The following EXT2 variants were observed in gnomAD, a reference collection of about 807,000 sequenced individuals.
The protein encoded by EXT2 is exostosin-2.
Under a neutral mutation model 81.6 loss-of-function variants are expected in EXT2, and 53 were observed. The ratio of observed to expected loss-of-function variants is 0.65; its 90% CI spans 0.52 to 0.82. The LOEUF (loss-of-function observed/expected upper bound fraction) is 0.82. Among genes scored for constraint, EXT2 ranks in the 40% least tolerant of loss-of-function variants. The pLI, the probability that EXT2 is intolerant of heterozygous loss-of-function variation, is 0.00. For missense variants in EXT2, 774 were observed against 910.2 expected, an observed-to-expected ratio of 0.85 and a Z score of 1.93; for synonymous variants, 320 against 340.0, an observed-to-expected ratio of 0.94 and a Z score of 0.65.
chr11:44,126,921 A>G lies in EXT2; in HGVS notation c.1045A>G (p.Ile349Val), dbSNP rs1482081427. The G allele has an allele frequency of 1.9e-6, 3 of 1,614,002 alleles. No individual in the cohort carries two copies. Among genetic ancestry groups the G allele is most frequent in the Admixed American group, 1.7e-5 (1 of 60,014 alleles). Residue 349 changes from isoleucine to valine, a missense_variant, in exon 6 of 14, where the codon ATT becomes GTT. By Grantham distance (29) the Ile-to-Val change is conservative (BLOSUM62 3). Around this residue, in one of 2 missense-constraint regions of EXT2, gnomAD observed 626 missense variants for 670.5 expected, o/e 0.93. Coordinates refer to ENST00000533608, the MANE Select transcript of EXT2 (RefSeq NM_207122.2). Reference protein sequence around the residue: ...CVPVVIADSYILPFSEVLDWK... With the variant: ...CVPVVIADSYVLPFSEVLDWK... ...CCCGGTTGTCATTGCAGACTCCTAT[A>G]TTTTGCCTTTCTCTGAAGTTCTTGA...
chr11:44,240,814 C>CTT (rs1956028240), intron 13 of EXT2, among the ~76,000 whole-genome samples: 1 of 152,146 alleles, frequency 6.6e-6, no homozygotes, highest in Non-Finnish European at 1.5e-5. Context: ...GTTAAGCCAT[C>CTT]TTGGGTAGAT....
intron 7 of EXT2, among the ~76,000 whole-genome samples, chr11:44,140,411 C>T (rs529621616): frequency 1.3e-5 from 2 of 152,198 alleles, no homozygotes; most frequent in African/African-American, 2.4e-5. Flanking sequence ...TGTCAGCCTG[C>T]GATGCTTGGC....
At chr11:44,200,669 G>A (rs949444868) in intron 9 of EXT2, among the ~76,000 whole-genome samples, 1 of 152,156 alleles carries the variant, frequency 6.6e-6, no homozygotes, top group African/African-American at 2.4e-5. Flanking sequence ...AGGACTGCGG[G>A]GAGTTGGGTC....
At chr11:44,188,449 A>G (rs535639170) in intron 8 of EXT2, among the ~76,000 whole-genome samples, 1 of 152,126 alleles carries the variant, frequency 6.6e-6, no homozygotes, top group South Asian at 2.1e-4. Flanking sequence ...ATCACAAGCC[A>G]CCCCCACATG....
chr11:44,176,495 C>G (rs771317017), intron 8 of EXT2, among the ~76,000 whole-genome samples: 3 of 152,084 alleles, frequency 2.0e-5, no homozygotes, highest in Non-Finnish European at 2.9e-5. Context: ...CTTAAATAAT[C>G]CTTTTTAGGA....
chr11:44,155,391 T>C (rs1176741585), intron 7 of EXT2, among the ~76,000 whole-genome samples: 1 of 152,152 alleles, frequency 6.6e-6, no homozygotes, highest in Non-Finnish European at 1.5e-5. Flanking sequence ...GATCTTCTTA[T>C]TTTTCCTTGC....
intron 1 of EXT2, chr11:44,103,644 G>T: frequency 4.6e-6 from 2 of 439,188 alleles, no homozygotes; most frequent in Admixed American, 2.9e-5. Flanking sequence ...AAATTTTCTG[G>T]GCCTGGAATT....
intron 13 of EXT2, among the ~76,000 whole-genome samples, chr11:44,242,478 G>A (rs1956048892): frequency 1.3e-5 from 2 of 152,194 alleles, no homozygotes; most frequent in Admixed American, 1.3e-4. Context: ...TAATGGTAGA[G>A]TGTGATCCAA....
At chr11:44,110,988 T>G (rs1954134448) in intron 3 of EXT2, among the ~76,000 whole-genome samples, 1 of 152,212 alleles carries the variant, frequency 6.6e-6, no homozygotes, top group South Asian at 2.1e-4. Context: ...TTATCCTTCA[T>G]CCTTGCTCCT....
chr11:44,102,218 C>T (rs774510030), intron 1 of EXT2, among the ~76,000 whole-genome samples: 94 of 152,192 alleles, frequency 6.2e-4, no homozygotes, highest in Non-Finnish European at 1.2e-3. Flanking sequence ...ATATTTAGAC[C>T]TTTATAGGGC....
intron 13 of EXT2, among the ~76,000 whole-genome samples, chr11:44,240,420 G>A (rs1956023429): frequency 6.6e-6 from 1 of 152,176 alleles, no homozygotes; most frequent in Non-Finnish European, 1.5e-5. Context: ...GCCAGGGGTG[G>A]TGGTAGGCAC....
In EXT2 at chr11:44,113,384, G is replaced by A. The variant is rs1954173227; in HGVS notation, c.627-801G>A. Reference sequence around the variant, plus strand: ...TTTCGATGGGTTTGGGGTCCTGGGAGAGAATAACAGTAAAAGTTGGTGTGA... The same window carrying A: ...TTTCGATGGGTTTGGGGTCCTGGGAAAGAATAACAGTAAAAGTTGGTGTGA... On this transcript the variant is annotated intron_variant, in intron 3 of 13. Coordinates refer to ENST00000533608, the MANE Select transcript of EXT2 (RefSeq NM_207122.2). Among the ~76,000 whole-genome samples, 4 of 152,116 alleles carry A rather than the reference G, an allele frequency of 2.6e-5. No homozygotes were observed. In the South Asian group the frequency reaches 8.3e-4, roughly 31 times the overall value.
At chr11:44,128,481 C>T (rs191332171) in intron 6 of EXT2, among the ~76,000 whole-genome samples, 21 of 152,258 alleles carry the variant, frequency 1.4e-4, no homozygotes, top group Non-Finnish European at 2.8e-4. Flanking sequence ...ACAATCAAGG[C>T]CAAACCTTTT....
intron 8 of EXT2, among the ~76,000 whole-genome samples, chr11:44,179,586 C>T (rs1027525408): frequency 1.3e-5 from 2 of 152,188 alleles, no homozygotes; most frequent in Admixed American, 1.3e-4. Flanking sequence ...ACATCAAATT[C>T]CCTTTCCCCT....
rs114253385 is a variant in EXT2, at chr11:44,143,363, G to A, written c.1173+13225G>A. ...GTGAGAGGGATATGATTCCCTGGGG[G>A]AATTTTCAAACTTCACATATCACTC... On this transcript the variant is annotated intron_variant, in intron 7 of 13. Transcript: ENST00000533608. Among the ~76,000 whole-genome samples the A allele has an allele frequency of 5.5e-3, 834 of 152,284 alleles. 13 individuals are homozygous for A. The highest frequency in any genetic ancestry group is 0.019 in the African/African-American group (790 of 41,552).
intron 6 of EXT2, 67 bp downstream of exon 6, chr11:44,127,022 A>C (rs1954417938): frequency 2.5e-6 from 4 of 1,584,592 alleles, no homozygotes; most frequent in Non-Finnish European, 3.5e-6. Context: ...AAATCTCCTC[A>C]GGTCATTGTA....
At chr11:44,190,257 T>G (rs1955374235) in intron 8 of EXT2, among the ~76,000 whole-genome samples, 1 of 152,224 alleles carries the variant, frequency 6.6e-6, no homozygotes, top group Admixed American at 6.5e-5. Flanking sequence ...TGGAAACACA[T>G]CATGCATAAT....
chr11:44,141,327 T>C (rs1392467456), intron 7 of EXT2, among the ~76,000 whole-genome samples: 3 of 152,194 alleles, frequency 2.0e-5, no homozygotes, highest in Admixed American at 2.0e-4. Context: ...CCGAATATTT[T>C]TGATCTGTGA....
intron 4 of EXT2, among the ~76,000 whole-genome samples, chr11:44,122,658 A>C (rs895106787): frequency 3.9e-5 from 6 of 152,250 alleles, no homozygotes; most frequent in Non-Finnish European, 7.3e-5. Flanking sequence ...CAGTCTGTAC[A>C]GCTGATCCAA....
Sources: gnomAD v4.1 joint callset for allele counts (sites outside exome capture counted in the v4.1 genomes callset) on GRCh38, gnomAD v4.1.1 for gene constraint, gnomAD v4.1.1 regional missense constraint, MANE v1.5 for transcripts, NCBI Gene and HGNC (gene_info 2026-07-23, HGNC 2026-07-21) for gene names.